The following TGM4 variants were observed in gnomAD, a reference collection of about 807,000 sequenced individuals.
The protein encoded by TGM4 is transglutaminase 4, also known as protein-glutamine gamma-glutamyltransferase 4.
In TGM4, 61 loss-of-function variants were observed where a neutral mutation model predicts 76.3. The observed-to-expected ratio is 0.80, with a 90% confidence interval of 0.65 to 0.99. The LOEUF is 0.99. TGM4 is among the 50% of genes least tolerant of loss of function. The pLI is 0.00. For synonymous variants in TGM4, 337 were observed against 329.8 expected (o/e 1.02, Z -0.24); for missense variants, 794 against 843.2 (o/e 0.94, Z 0.72).
chr3:44,901,491 C>G, intron 6 of TGM4, 33 bp from the exon 7 acceptor site: 1 of 1,569,166 alleles, frequency 6.4e-7, no homozygotes, highest in East Asian at 2.3e-5. Context: ...TTCTGAGGGG[C>G]GGACACTGAC....
chr3:44,912,596 A>C (rs1303263739), intron 13 of TGM4, among the ~76,000 whole-genome samples: 1 of 152,158 alleles, frequency 6.6e-6, no homozygotes. Flanking sequence ...TAGCACTTTT[A>C]GAATCATCTT....
intron 6 of TGM4, among the ~76,000 whole-genome samples, chr3:44,899,932 C>A (rs1362037705): frequency 2.6e-5 from 4 of 152,128 alleles, no homozygotes; most frequent in African/African-American, 7.2e-5. Flanking sequence ...GCCTTTGTCA[C>A]CTCATTTCAG....
chr3:44,887,138 G>A (rs1271095854), intron 2 of TGM4, among the ~76,000 whole-genome samples: 1 of 152,252 alleles, frequency 6.6e-6, no homozygotes, highest in Non-Finnish European at 1.5e-5. Context: ...GGAAAGTGGG[G>A]AGCTGGGGAG....
chr3:44,877,581 G>A (rs1218748722), intron 1 of TGM4, among the ~76,000 whole-genome samples: 1 of 150,974 alleles, frequency 6.6e-6, no homozygotes, highest in Admixed American at 6.6e-5. Context: ...GACAGGCCAA[G>A]ACTCTGTCTC....
chr3:44,891,013 G>C (rs1383952177), intron 4 of TGM4, among the ~76,000 whole-genome samples: 1 of 152,182 alleles, frequency 6.6e-6, no homozygotes, highest in African/African-American at 2.4e-5. Flanking sequence ...TGCCTTCGTG[G>C]GGGTGGGGAG....
intron 9 of TGM4, 118 bp from the exon 10 acceptor site, chr3:44,906,831 C>A: frequency 7.0e-7 from 1 of 1,419,744 alleles, no homozygotes; most frequent in Non-Finnish European, 9.6e-7. Context: ...CCAGATGCTT[C>A]TTGGGCAAAA....
rs747413936 is a variant in TGM4 at position 44,885,314 on chromosome 3, G to A, written c.20-11G>A. On this transcript the variant is annotated splice_polypyrimidine_tract_variant and intron_variant, in intron 1 of 13. Coordinates refer to ENST00000296125, the MANE Select transcript of TGM4 (RefSeq NM_003241.4). The stretch of plus-strand genomic sequence containing the variant: ...TGTGCTCTCTTTCCACATGTGCTGC[G>A]TTGCTGACAGAGCTGCAAGTTCTCC... The A allele has an allele frequency of 1.5e-4, 243 of 1,599,828 alleles. No individual in the cohort carries two copies. The highest frequency in any genetic ancestry group is 4.5e-4 in the East Asian group (20 of 44,498).
intron 6 of TGM4, chr3:44,899,162 A>G (rs571784691): frequency 2.6e-5 from 4 of 152,378 alleles, no homozygotes; most frequent in Admixed American, 2.6e-4. Flanking sequence ...GCCCACGAGT[A>G]GCCTATTCCC....
intron 8 of TGM4, among the ~76,000 whole-genome samples, chr3:44,902,689 T>G (rs1459430202): frequency 1.3e-5 from 2 of 152,210 alleles, no homozygotes; most frequent in Non-Finnish European, 2.9e-5. Context: ...GCCAGGAGTC[T>G]GAAGTTCATG....
At chr3:44,908,019 G>A (rs1699948989) in intron 10 of TGM4, among the ~76,000 whole-genome samples, 1 of 152,196 alleles carries the variant, frequency 6.6e-6, no homozygotes, top group Admixed American at 6.5e-5. Context: ...GATGGCAGAT[G>A]GTACCCATGC....
In TGM4 at chr3:44,885,347, C is replaced by T. The variant is rs762632161; in HGVS notation, c.42C>T (p.Asp14=). 3 of 1,609,528 alleles carry T rather than the reference C, an allele frequency of 1.9e-6. No homozygotes were observed. Among genetic ancestry groups the T allele is most frequent in the Non-Finnish European group, 2.6e-6 (3 of 1,176,256 alleles). The change falls in exon 2 of 14, where the codon GAC becomes GAT. Residue 14 remains aspartate (D), a synonymous_variant. Transcript: ENST00000296125. ...ASKELQVLHI[D]FLNQDNAVSH... ...CAGAGCTGCAAGTTCTCCACATTGA[C>T]TTCTTGAATCAGGACAACGCCGTTT...
chr3:44,893,952 A>ATGGCTCTCTCCCACCCCCCT, intron 5 of TGM4, among the ~76,000 whole-genome samples: 1 of 22,442 alleles, frequency 4.5e-5, no homozygotes. Flanking sequence ...CCCACCCCCC[A>ATGGCTCTCTCCCACCCCCCT]CAGCTCTCTC....
At chr3:44,907,791 G>A (rs1699945043) in intron 10 of TGM4, among the ~76,000 whole-genome samples, 2 of 152,154 alleles carry the variant, frequency 1.3e-5, no homozygotes, top group African/African-American at 4.8e-5. Context: ...CGCTGCCTCT[G>A]TTCTTGATGT....
At chr3:44,907,530 C>G (rs571356519) in intron 10 of TGM4, among the ~76,000 whole-genome samples, 52 of 152,146 alleles carry the variant, frequency 3.4e-4, no homozygotes, top group Middle Eastern at 3.4e-3. Context: ...CATTGTTTGA[C>G]CAGCTCATTC....
chr3:44,894,788 C>T (rs1016478443), intron 5 of TGM4, among the ~76,000 whole-genome samples: 11 of 152,044 alleles, frequency 7.2e-5, no homozygotes, highest in African/African-American at 2.4e-4. Flanking sequence ...TCCCAGCTGG[C>T]GAGGCTCCCA....
rs1248797670 is a variant in TGM4, at chr3:44,879,261, CTCTCTATATATATA to C, written c.19+4566_19+4579del. On this transcript the variant is annotated intron_variant, in intron 1 of 13. Transcript: ENST00000296125. The stretch of plus-strand genomic sequence containing the variant: ...GGTCTCTCTCTCTCTCTCTCTCTCT[CTCTCTATATATATA>C]TATATATATATAGTTTATTTAATTT... 4.8e-3 allele frequency among the ~76,000 whole-genome samples: 444 copies of C among 93,336 alleles called. 1 individual carries two copies. Among genetic ancestry groups the C allele is most frequent in the Admixed American group, 7.4e-3 (57 of 7,722 alleles). The allele number at this position is 93,336 out of a possible 152,430, so 61.2% of individuals were successfully genotyped here. A position where few individuals can be genotyped will look rare whatever the true frequency, so the allele number is the denominator to read the frequency against.
At chr3:44,909,594 C>A (rs377001890) in intron 10 of TGM4, among the ~76,000 whole-genome samples, 1 of 152,094 alleles carries the variant, frequency 6.6e-6, no homozygotes, top group Non-Finnish European at 1.5e-5. Context: ...GAGCTTTTAG[C>A]GGAACTCCAA....
chr3:44,910,853 A>G, intron 11 of TGM4, 105 bp from the exon 12 acceptor site: 1 of 1,286,976 alleles, frequency 7.8e-7, no homozygotes, highest in Non-Finnish European at 1.1e-6. Context: ...AAAGTTATCC[A>G]GTTCAATTCA....
Position 44,885,342 on chromosome 3 carries a change from A to G in TGM4, c.37A>G (p.Ile13Val), listed in dbSNP as rs2125748906. 5 of 1,608,640 alleles carry G rather than the reference A, an allele frequency of 3.1e-6. No individual in the cohort carries two copies. Among genetic ancestry groups the G allele is most frequent in the South Asian group, 1.1e-5 (1 of 90,826 alleles). Residue 13 changes from isoleucine (I) to valine (V), a missense_variant, in exon 2 of 14, where the codon ATT (isoleucine) becomes GTT (valine). Ile to Val is a conservative substitution (Grantham distance 29). Coordinates refer to ENST00000296125, the MANE Select transcript of TGM4 (RefSeq NM_003241.4). ...DASKELQVLH[I>V]DFLNQDNAVS... The stretch of plus-strand genomic sequence containing the variant: ...GCTGACAGAGCTGCAAGTTCTCCAC[A>G]TTGACTTCTTGAATCAGGACAACGC...
Sources: gnomAD v4.1 joint callset for allele counts (sites outside exome capture counted in the v4.1 genomes callset) on GRCh38, gnomAD v4.1.1 for gene constraint, MANE v1.5 for transcripts, NCBI Gene and HGNC (gene_info 2026-07-23, HGNC 2026-07-21) for gene names.